The following TBC1D7 variants were observed in gnomAD, a reference collection of about 807,000 sequenced individuals.
TBC1D7 encodes the protein TBC1 domain family member 7.
Under a neutral mutation model 35.3 loss-of-function variants are expected in TBC1D7, and 33 were observed. The ratio of observed to expected loss-of-function variants is 0.93; its 90% CI spans 0.71 to 1.25. The LOEUF is 1.25. Ranked by LOEUF, TBC1D7 falls within the 50% of genes most tolerant of loss-of-function variation. The pLI is 0.00. For missense variants in TBC1D7, 362 were observed against 365.3 expected (o/e 0.99, Z 0.07); for synonymous variants, 135 against 129.5 (o/e 1.04, Z -0.29).
chr6:13,320,630 T>C, intron 4 of TBC1D7: 2 of 599,440 alleles, frequency 3.3e-6, no homozygotes, highest in Non-Finnish European at 5.9e-6. Context: ...CTGGAGAATC[T>C]GGGTAAAGGG....
chr6:13,313,082 A>G (rs928984178), intron 5 of TBC1D7, among the ~76,000 whole-genome samples: 12 of 152,330 alleles, frequency 7.9e-5, no homozygotes, highest in African/African-American at 2.9e-4. Flanking sequence ...TAAGTAATCT[A>G]AAGTATACAG....
chr6:13,320,430 T>C (rs1783948279), intron 4 of TBC1D7: 1 of 343,726 alleles, frequency 2.9e-6, no homozygotes, highest in African/African-American at 2.1e-5. Context: ...GGGAATCCTG[T>C]CTGCATCTTA....
chr6:13,305,351 G>A (rs1782738641), intron 7 of TBC1D7, among the ~76,000 whole-genome samples, 164 bp from the exon 8 acceptor site: 2 of 152,176 alleles, frequency 1.3e-5, no homozygotes, highest in South Asian at 4.1e-4. Flanking sequence ...GGACATGAAA[G>A]GGCTCCAGTG....
At chr6:13,311,982 C>G (rs1783249649) in intron 5 of TBC1D7, among the ~76,000 whole-genome samples, 2 of 151,634 alleles carry the variant, frequency 1.3e-5, no homozygotes, top group African/African-American at 4.8e-5. Flanking sequence ...TATATACACA[C>G]ACACATATAT....
chr6:13,316,899 G>A (rs1427410202), intron 4 of TBC1D7, among the ~76,000 whole-genome samples, 191 bp from the exon 5 acceptor site: 7 of 152,004 alleles, frequency 4.6e-5, no homozygotes, highest in African/African-American at 1.7e-4. Context: ...GTAACTACAG[G>A]GTCAGTGCTG....
rs1478733357 is a variant in TBC1D7 at position 13,306,594 on chromosome 6, AAATTAC to A, written c.666-73_666-68del. ...GAATTATGTTTAGCCTAGACATCTC[AAATTAC>A]AAAATAAAATCAAATTGCTCCAATT... On this transcript the variant is annotated intron_variant, in intron 6 of 7. Transcript: ENST00000379300. 2.4e-6 allele frequency: 3 copies of A among 1,252,176 alleles called. No individual in the cohort carries two copies. The African/African-American group carries it at 4.6e-5, about 19-fold the overall frequency. 77.6% of individuals were successfully genotyped at this position (1,252,176 alleles called of 1,614,324 possible).
intron 5 of TBC1D7, among the ~76,000 whole-genome samples, chr6:13,311,144 C>CA (rs1282156908): frequency 6.6e-6 from 1 of 151,562 alleles, no homozygotes; most frequent in East Asian, 1.9e-4. Context: ...ATAGTGCTTA[C>CA]AAAAAAAACC....
chr6:13,323,790 CT>C (rs1344707893), intron 3 of TBC1D7: 2 of 152,190 alleles, frequency 1.3e-5, no homozygotes, highest in Non-Finnish European at 2.9e-5. Context: ...TGAAAAGATA[CT>C]ACATTTTGGA....
In TBC1D7 at chr6:13,320,907, C is replaced by T. The variant is rs866612189; in HGVS notation, c.381+1G>A. The T allele has an allele frequency of 6.2e-7, 1 of 1,613,578 alleles. No individual in the cohort carries two copies. Among genetic ancestry groups the T allele is most frequent in the Admixed American group, 1.7e-5 (1 of 60,014 alleles). ...AGTGTCAGACAAAAGTGACCACTAA[C>T]CAGTGGAAAAGAGGGACTTCGAGGT... On this transcript the variant is annotated splice_donor_variant, in intron 4 of 7. Coordinates refer to ENST00000379300, the MANE Select transcript of TBC1D7 (RefSeq NM_016495.6). LOFTEE classifies it high-confidence loss of function.
At position 13,305,078 on chromosome 6, in the gene TBC1D7, C is replaced by A; in HGVS notation, c.*23G>T. ...AATGCTCACTGTGGTGCCTGGCAGACGGTCCACAACCAGCGGGTGCGTTCA... is the reference window on the plus strand; with the variant it reads ...AATGCTCACTGTGGTGCCTGGCAGAAGGTCCACAACCAGCGGGTGCGTTCA... On this transcript the variant is annotated 3_prime_UTR_variant, in exon 8 of 8. Coordinates refer to ENST00000379300, the MANE Select transcript of TBC1D7 (RefSeq NM_016495.6). The A allele has an allele frequency of 6.4e-7, 1 of 1,574,310 alleles. No homozygotes were observed. Among genetic ancestry groups the A allele is most frequent in the East Asian group, 2.3e-5 (1 of 43,412 alleles).
rs577267399 is a variant in TBC1D7, at chr6:13,305,834, T to G, written c.795+564A>C. The G allele has an allele frequency of 1.9e-5, 3 of 159,052 alleles. No individual in the cohort carries two copies. In the South Asian group the frequency reaches 5.2e-4, roughly 28 times the overall value. The allele number at this position is 159,052 out of a possible 1,614,324, so 9.9% of individuals were successfully genotyped here. On this transcript the variant is annotated intron_variant, in intron 7 of 7. Coordinates refer to ENST00000379300, the MANE Select transcript of TBC1D7 (RefSeq NM_016495.6). ...GTATATTAATAAACCCAACTGGGAC[T>G]ACACCAGAGACAGTAACAGAAATGA...
intron 5 of TBC1D7, 93 bp downstream of exon 5, chr6:13,316,478 A>G: frequency 7.4e-7 from 1 of 1,343,950 alleles, no homozygotes; most frequent in Non-Finnish European, 1.0e-6. Context: ...GTTATTCAGA[A>G]TTGCAGCAGC....
intron 6 of TBC1D7, chr6:13,307,270 A>G: frequency 4.9e-6 from 1 of 206,168 alleles, no homozygotes; most frequent in Non-Finnish European, 9.9e-6. Flanking sequence ...TTCTTTAAAG[A>G]TATCATGATG....
At chr6:13,307,834 C>T in intron 5 of TBC1D7, 89 bp from the exon 6 acceptor site, 1 of 1,379,320 alleles carries the variant, frequency 7.2e-7, no homozygotes, top group South Asian at 1.3e-5. Context: ...AAAGTACATG[C>T]TGAATTCAAG....
intron 5 of TBC1D7, among the ~76,000 whole-genome samples, chr6:13,311,988 T>C (rs1397244623): frequency 3.3e-5 from 5 of 151,970 alleles, no homozygotes; most frequent in African/African-American, 1.2e-4. Flanking sequence ...CACACACACA[T>C]ATATGGAAAT....
At chr6:13,321,357 A>C (rs1214588139) in intron 3 of TBC1D7, among the ~76,000 whole-genome samples, 1 of 152,268 alleles carries the variant, frequency 6.6e-6, no homozygotes, top group Non-Finnish European at 1.5e-5. Context: ...CCCTTGAATA[A>C]GTATGCCGCA....
intron 5 of TBC1D7, among the ~76,000 whole-genome samples, chr6:13,311,993 G>A (rs1453009175): frequency 6.6e-6 from 1 of 151,588 alleles, no homozygotes; most frequent in Non-Finnish European, 1.5e-5. Flanking sequence ...ACACATATAT[G>A]GAAATCCAGT....
intron 5 of TBC1D7, among the ~76,000 whole-genome samples, chr6:13,310,573 G>A (rs1005450202): frequency 6.6e-6 from 1 of 150,682 alleles, no homozygotes; most frequent in Non-Finnish European, 1.5e-5. Flanking sequence ...GGGAGGCAGA[G>A]GTTGCAGTGA....
intron 5 of TBC1D7, among the ~76,000 whole-genome samples, chr6:13,314,617 C>T (rs1050218491): frequency 6.6e-6 from 1 of 152,156 alleles, no homozygotes; most frequent in African/African-American, 2.4e-5. Context: ...CAAAGTGGAT[C>T]AAATTTCAAA....
Sources: allele counts gnomAD v4.1 joint callset (sites outside exome capture counted in the v4.1 genomes callset), GRCh38; gene constraint gnomAD v4.1.1; transcripts MANE v1.5; gene names NCBI Gene and HGNC (gene_info 2026-07-23, HGNC 2026-07-21).